The following USH2A variants were observed in gnomAD, a reference collection of about 807,000 sequenced individuals.
USH2A encodes the protein usherin.
Under a neutral mutation model 538.9 loss-of-function variants are expected in USH2A, and 443 were observed. That is an observed-to-expected ratio of 0.82 (90% CI 0.76 to 0.89). The LOEUF is 0.89. Ranked by LOEUF, USH2A falls within the 40% of genes least tolerant of loss-of-function variation. The pLI is 0.00. For synonymous variants in USH2A, 2,413 were observed against 2,273.5 expected (o/e 1.06, Z -1.75); for missense variants, 6,633 against 6,324.8 (o/e 1.05, Z -1.65).
At chr1:216,184,702 A>G (rs1361034781) in intron 20 of USH2A, among the ~76,000 whole-genome samples, 2 of 152,022 alleles carry the variant, frequency 1.3e-5, no homozygotes, top group African/African-American at 4.8e-5. Context: ...GACTATATAT[A>G]CAAGATTGTT....
At chr1:215,971,943 T>A (rs774747337) in intron 35 of USH2A, among the ~76,000 whole-genome samples, 2 of 152,104 alleles carry the variant, frequency 1.3e-5, no homozygotes, top group Non-Finnish European at 2.9e-5. Context: ...GTACAAAGCA[T>A]AGTAGTATCA....
At chr1:216,279,133 C>G (rs563179162) in intron 11 of USH2A, among the ~76,000 whole-genome samples, 1 of 152,088 alleles carries the variant, frequency 6.6e-6, no homozygotes, top group African/African-American at 2.4e-5. Flanking sequence ...TTACAGTAAC[C>G]TATTGATGCT....
intron 38 of USH2A, among the ~76,000 whole-genome samples, chr1:215,925,975 G>A (rs1023120962): frequency 7.2e-5 from 11 of 152,122 alleles, no homozygotes; most frequent in South Asian, 4.2e-4. Flanking sequence ...CTGAGATTGC[G>A]CCACTGCACT....
At chr1:216,048,492 A>G in intron 31 of USH2A, 42 bp downstream of exon 31, 1 of 1,568,156 alleles carries the variant, frequency 6.4e-7, no homozygotes, top group Middle Eastern at 1.7e-4. Context: ...TTTATTATTC[A>G]TGACTGAAAT....
At chr1:215,681,140 T>C (rs966792601) in intron 61 of USH2A, among the ~76,000 whole-genome samples, 1 of 152,154 alleles carries the variant, frequency 6.6e-6, no homozygotes, top group African/African-American at 2.4e-5. Context: ...TTTTTAAAAT[T>C]TGTTTGTTTT....
At chr1:215,651,356 A>ACCTGAC (rs1657075349) in intron 64 of USH2A, among the ~76,000 whole-genome samples, 1 of 152,220 alleles carries the variant, frequency 6.6e-6, no homozygotes, top group Admixed American at 6.5e-5. Flanking sequence ...GTAGAATGTC[A>ACCTGAC]GGTACAATAG....
chr1:215,860,570 A>T (rs1277757433), intron 44 of USH2A, among the ~76,000 whole-genome samples: 8 of 152,200 alleles, frequency 5.3e-5, no homozygotes, highest in Non-Finnish European at 1.2e-4. Context: ...GTCCAAAATA[A>T]AGTTTTATTG....
intron 47 of USH2A, among the ~76,000 whole-genome samples, chr1:215,836,075 T>A (rs1028642482): frequency 3.3e-5 from 5 of 152,122 alleles, no homozygotes; most frequent in Admixed American, 1.3e-4. Flanking sequence ...CTTATAAAGC[T>A]TAGACGTTAT....
intron 4 of USH2A, among the ~76,000 whole-genome samples, chr1:216,356,514 T>A (rs1254014538): frequency 6.6e-6 from 1 of 152,104 alleles, no homozygotes; most frequent in Admixed American, 6.6e-5. Context: ...GCATATTTCC[T>A]TCCAGAACTT....
intron 38 of USH2A, among the ~76,000 whole-genome samples, chr1:215,919,966 C>G (rs1479234774): frequency 6.6e-6 from 1 of 152,004 alleles, no homozygotes; most frequent in African/African-American, 2.4e-5. Context: ...TTTTGTCTCT[C>G]TCTCTCTCTT....
At chr1:215,816,291 T>A (rs1333646650) in intron 48 of USH2A, among the ~76,000 whole-genome samples, 2 of 152,124 alleles carry the variant, frequency 1.3e-5, no homozygotes, top group African/African-American at 4.8e-5. Flanking sequence ...CTGCTGGCTT[T>A]ATGCATTTCT....
At chr1:216,266,223 A>G (rs2036470199) in intron 11 of USH2A, among the ~76,000 whole-genome samples, 1 of 152,088 alleles carries the variant, frequency 6.6e-6, no homozygotes, top group Admixed American at 6.6e-5. Flanking sequence ...AAAAAGTTAA[A>G]AAAAAGGCTC....
intron 50 of USH2A, among the ~76,000 whole-genome samples, chr1:215,791,261 A>G (rs1197448440): frequency 6.6e-6 from 1 of 152,208 alleles, no homozygotes; most frequent in South Asian, 2.1e-4. Flanking sequence ...TAGCAGCACA[A>G]TGTGATGAAT....
chr1:216,129,399 A>G (rs2033322823), intron 21 of USH2A, among the ~76,000 whole-genome samples: 1 of 152,120 alleles, frequency 6.6e-6, no homozygotes, highest in African/African-American at 2.4e-5. Context: ...TCAAATCAGT[A>G]GCATTTCTGT....
intron 69 of USH2A, among the ~76,000 whole-genome samples, chr1:215,636,786 C>T (rs1656508160): frequency 6.6e-6 from 1 of 152,034 alleles, no homozygotes; most frequent in Non-Finnish European, 1.5e-5. Context: ...AAAAAAGTTA[C>T]ATCATGAAAA....
At chr1:216,232,175 T>A (rs573142490) in intron 13 of USH2A, 39 bp from the exon 14 acceptor site, 10 of 1,567,528 alleles carry the variant, frequency 6.4e-6, no homozygotes, top group Non-Finnish European at 8.7e-6. Flanking sequence ...ATATACTTTT[T>A]ATCCACTCTT....
chr1:216,164,115 T>G (rs1471138913), intron 21 of USH2A, among the ~76,000 whole-genome samples: 2 of 152,076 alleles, frequency 1.3e-5, no homozygotes, highest in Admixed American at 6.6e-5. Flanking sequence ...ATTCTTGTGT[T>G]GCTCAGTATC....
intron 71 of USH2A, among the ~76,000 whole-genome samples, chr1:215,627,410 TTCCTTC>T (rs1656073305): frequency 9.5e-6 from 1 of 105,508 alleles, no homozygotes; most frequent in Non-Finnish European, 2.0e-5. Flanking sequence ...CCTTCCTTCC[TTCCTTC>T]CTTCCTTCCT....
chr1:216,347,707 A>T (rs919276699), intron 4 of USH2A, among the ~76,000 whole-genome samples: 1 of 152,156 alleles, frequency 6.6e-6, no homozygotes, highest in African/African-American at 2.4e-5. Flanking sequence ...ATGTCACAGA[A>T]CTAACCAAAA....
Sources: gnomAD v4.1 joint callset for allele counts (sites outside exome capture counted in the v4.1 genomes callset) on GRCh38, gnomAD v4.1.1 for gene constraint, MANE v1.5 for transcripts, NCBI Gene and HGNC (gene_info 2026-07-23, HGNC 2026-07-21) for gene names.